Variants in WDR5 observed in about 807,000 individuals in gnomAD.
WDR5 encodes WD repeat domain 5, also known as WD repeat-containing protein 5.
For missense variants in WDR5, 187 were observed against 416.9 expected, an observed-to-expected ratio of 0.45 and a Z score of 4.80; for synonymous variants, 144 against 161.6, an observed-to-expected ratio of 0.89 and a Z score of 0.83.
chr9:134,145,096 G>GTTGTTTT (rs1554726635), intron 7 of WDR5, among the ~76,000 whole-genome samples: 2 of 104,662 alleles, frequency 1.9e-5, no homozygotes, highest in African/African-American at 6.9e-5. Context: ...GTGGGGCTTT[G>GTTGTTTT]TTTTTTTTTT....
At chr9:134,151,221 C>A (rs1032238779) in intron 8 of WDR5, among the ~76,000 whole-genome samples, 1 of 152,060 alleles carries the variant, frequency 6.6e-6, no homozygotes, top group African/African-American at 2.4e-5. Context: ...AGTGTGGTCT[C>A]GTCCCTGGAT....
chr9:134,154,211 G>A (rs76779211), intron 9 of WDR5, among the ~76,000 whole-genome samples: 113 of 152,278 alleles, frequency 7.4e-4, no homozygotes, highest in Non-Finnish European at 1.3e-3. Flanking sequence ...TGGTGCCCCA[G>A]GAGGCCTGTA....
In WDR5 at chr9:134,139,300, C is replaced by G. The variant is rs139215035; in HGVS notation, c.-58-520C>G. Among the ~76,000 whole-genome samples, 697 of 152,290 alleles carry G rather than the reference C, an allele frequency of 4.6e-3. 4 individuals are homozygous for G. Among genetic ancestry groups the G allele is most frequent in the Non-Finnish European group, 6.1e-3 (418 of 68,034 alleles). On this transcript the variant is annotated intron_variant, in intron 1 of 13. Coordinates refer to ENST00000358625, the MANE Select transcript of WDR5 (RefSeq NM_017588.3). ...CTGTGCATGGAGGCACTGGAGCCCC[C>G]CCATGAGGCGTAGACCACTGGGTGC...
In WDR5 at chr9:134,158,519, G is replaced by A. The variant is rs1832854196; in HGVS notation, c.*526G>A. ...TTCCTAGTGTATTTTCGTCTTTCTG[G>A]AAAACAGCATTGAGTGGTTGTTTTC... is the stretch of plus-strand genomic sequence containing the variant. On this transcript the variant is annotated 3_prime_UTR_variant, in exon 14 of 14. Coordinates refer to ENST00000358625, the MANE Select transcript of WDR5 (RefSeq NM_017588.3). The A allele has an allele frequency of 6.5e-6, 1 of 152,762 alleles. No individual in the cohort carries two copies. The highest frequency in any genetic ancestry group is 2.4e-5 in the African/African-American group (1 of 41,454). 9.5% of individuals were successfully genotyped at this position (152,762 alleles called of 1,614,324 possible).
upstream of WDR5, chr9:134,135,418 G>A (rs1831491439): frequency 6.6e-6 from 1 of 152,238 alleles, no homozygotes; most frequent in Non-Finnish European, 1.5e-5. Flanking sequence ...GGCCCTGCCA[G>A]TCCGCGGGGC....
chr9:134,137,638 C>G (rs898318653), intron 1 of WDR5, among the ~76,000 whole-genome samples: 22 of 137,694 alleles, frequency 1.6e-4, no homozygotes, highest in Non-Finnish European at 1.2e-4. Flanking sequence ...GAGCCCAGAT[C>G]GTGCACCTGG....
intron 8 of WDR5, among the ~76,000 whole-genome samples, chr9:134,149,503 A>C (rs1054165475): frequency 6.6e-6 from 1 of 152,210 alleles, no homozygotes; most frequent in Non-Finnish European, 1.5e-5. Context: ...GGAGGGGTGC[A>C]CAGGGTGAGC....
chr9:134,146,188 C>T (rs1430926249), intron 7 of WDR5, among the ~76,000 whole-genome samples: 2 of 150,834 alleles, frequency 1.3e-5, no homozygotes, highest in African/African-American at 4.9e-5. Context: ...GGGATGGTCT[C>T]GATCTCCTGA....
intron 7 of WDR5, among the ~76,000 whole-genome samples, chr9:134,147,178 C>T (rs1832251767): frequency 6.6e-6 from 1 of 152,252 alleles, no homozygotes; most frequent in Admixed American, 6.5e-5. Flanking sequence ...TTAAGCTTTT[C>T]TAATGTAGCT....
At chr9:134,136,413 C>G (rs1431947758) in intron 1 of WDR5, among the ~76,000 whole-genome samples, 1 of 151,700 alleles carries the variant, frequency 6.6e-6, no homozygotes, top group Non-Finnish European at 1.5e-5. Context: ...TCCACCCGGT[C>G]CGCCCCCACT....
At chr9:134,153,586 G>T (rs1269834563) in intron 9 of WDR5, among the ~76,000 whole-genome samples, 1 of 152,234 alleles carries the variant, frequency 6.6e-6, no homozygotes, top group African/African-American at 2.4e-5. Context: ...GGACCGCATG[G>T]CCTCACAGCG....
At chr9:134,141,452 T>C in intron 3 of WDR5, 58 bp from the exon 4 acceptor site, 2 of 1,574,588 alleles carry the variant, frequency 1.3e-6, no homozygotes, top group Admixed American at 3.3e-5. Flanking sequence ...CTTTGGACTC[T>C]GGATGACTAG....
At chr9:134,143,592 T>A (rs1202762017) in intron 7 of WDR5, among the ~76,000 whole-genome samples, 1 of 148,872 alleles carries the variant, frequency 6.7e-6, no homozygotes, top group Non-Finnish European at 1.5e-5. Context: ...AGTGTTGCGA[T>A]CTCGGCTCAC....
chr9:134,142,090 G>C, intron 5 of WDR5, 52 bp downstream of exon 5: 1 of 1,558,784 alleles, frequency 6.4e-7, no homozygotes, highest in Non-Finnish European at 8.8e-7. Context: ...CAGGGCACGG[G>C]GCAGGTGCGG....
intron 1 of WDR5, among the ~76,000 whole-genome samples, chr9:134,137,689 A>G (rs960977146): frequency 3.3e-5 from 5 of 151,420 alleles, no homozygotes; most frequent in Non-Finnish European, 1.5e-5. Flanking sequence ...AAAAACAAAA[A>G]AAAAACACGC....
intron 7 of WDR5, among the ~76,000 whole-genome samples, chr9:134,145,102 T>TGTTTTTTTTTTTTG (rs1034355353): frequency 1.7e-5 from 2 of 118,672 alleles, no homozygotes; most frequent in Admixed American, 1.6e-4. Flanking sequence ...CTTTGTTTTT[T>TGTTTTTTTTTTTTG]TTTTTTTTTT....
chr9:134,153,007 C>T (rs1286462001), intron 9 of WDR5, among the ~76,000 whole-genome samples: 6 of 152,190 alleles, frequency 3.9e-5, no homozygotes, highest in East Asian at 3.9e-4. Flanking sequence ...CCAGTACACT[C>T]GCCTCTGAGG....
At chr9:134,155,880 G>T (rs1832721626) in intron 12 of WDR5, 113 bp downstream of exon 12, 2 of 1,008,934 alleles carry the variant, frequency 2.0e-6, no homozygotes, top group African/African-American at 1.6e-5. Flanking sequence ...CCCACAAAAT[G>T]AATTTCCATT....
At chr9:134,139,599 TATG>T (rs1370551986) in intron 1 of WDR5, among the ~76,000 whole-genome samples, 4 of 152,106 alleles carry the variant, frequency 2.6e-5, no homozygotes, top group Admixed American at 1.3e-4. Context: ...GGTCTTTCAT[TATG>T]ATGACAAAAG....
Sources: allele counts gnomAD v4.1 joint callset (sites outside exome capture counted in the v4.1 genomes callset), GRCh38; gene constraint gnomAD v4.1.1; transcripts MANE v1.5; gene names NCBI Gene and HGNC (gene_info 2026-07-23, HGNC 2026-07-21).